Variants in ECPAS observed in about 807,000 individuals in gnomAD.
ECPAS encodes Ecm29 proteasome adaptor and scaffold, also known as proteasome adapter and scaffold protein ECM29.
A neutral mutation model predicts 255.1 loss-of-function variants in ECPAS; 70 were observed. The ratio of observed to expected loss-of-function variants is 0.27; its 90% confidence interval spans 0.23 to 0.33. ECPAS has a LOEUF of 0.33. Ranked by LOEUF, ECPAS falls within the 10% of genes least tolerant of loss-of-function variation. The pLI is 1.00. For synonymous variants in ECPAS, 784 were observed against 775.0 expected (o/e 1.01, Z -0.19); for missense variants, 1,817 against 2,206.4 (o/e 0.82, Z 3.54).
At position 111,431,946 on chromosome 9, in the gene ECPAS, T is replaced by C. The variant is rs549401642; in HGVS notation, c.848+1287A>G. Among the ~76,000 whole-genome samples, 8 of 152,338 alleles carry C rather than the reference T, an allele frequency of 5.3e-5. No homozygotes were observed. In the South Asian group the frequency reaches 1.4e-3, roughly 28 times the overall value. ...CTCCGCCGTTGCTTTTCTTTCATAA[T>C]ACTTGTGGTTTAGAGATTTCAGACA... On this transcript the variant is annotated intron_variant, in intron 8 of 49. Coordinates refer to ENST00000684092, the MANE Select transcript of ECPAS (RefSeq NM_001364929.1).
chr9:111,418,606 T>G (rs746889267), intron 16 of ECPAS, among the ~76,000 whole-genome samples: 2 of 152,226 alleles, frequency 1.3e-5, no homozygotes, highest in African/African-American at 2.4e-5. Flanking sequence ...AAGAAAGAAT[T>G]AATAAATAAT....
At chr9:111,365,704 C>T (rs1328676687) in intron 48 of ECPAS, 1 of 152,410 alleles carries the variant, frequency 6.6e-6, no homozygotes, top group Non-Finnish European at 1.5e-5. Context: ...ATTACCGAAT[C>T]AACTGAACAA....
chr9:111,463,247 G>A (rs761859864), intron 2 of ECPAS, among the ~76,000 whole-genome samples: 5 of 152,124 alleles, frequency 3.3e-5, no homozygotes, highest in Admixed American at 6.6e-5. Flanking sequence ...CAATCCTTCT[G>A]GCTCAATTCA....
chr9:111,476,234 C>G (rs535355626), intron 1 of ECPAS, among the ~76,000 whole-genome samples: 8 of 152,146 alleles, frequency 5.3e-5, no homozygotes, highest in Non-Finnish European at 8.8e-5. Context: ...GCCCAGAATA[C>G]GAAACCACTA....
At chr9:111,411,892 G>A in intron 21 of ECPAS, 122 bp downstream of exon 21, 1 of 854,852 alleles carries the variant, frequency 1.2e-6, no homozygotes, top group Non-Finnish European at 1.7e-6. Context: ...ACTCTTTATG[G>A]TCATAAAAGC....
intron 3 of ECPAS, among the ~76,000 whole-genome samples, chr9:111,451,224 G>A (rs2098259901): frequency 6.6e-6 from 1 of 152,180 alleles, no homozygotes; most frequent in Non-Finnish European, 1.5e-5. Flanking sequence ...CAAGTAGACA[G>A]TTGGTGCTAA....
intron 25 of ECPAS, among the ~76,000 whole-genome samples, chr9:111,395,742 G>T (rs560088979): frequency 6.6e-6 from 1 of 152,138 alleles, no homozygotes; most frequent in African/African-American, 2.4e-5. Context: ...CCTCCCTGTT[G>T]TCAAGCCTCT....
In ECPAS at chr9:111,434,587, T is replaced by C. The variant is rs958928012; in HGVS notation, c.709-1215A>G. Among the ~76,000 whole-genome samples the C allele has an allele frequency of 3.2e-3, 93 of 29,500 alleles. 3 individuals are homozygous for C. Among genetic ancestry groups the C allele is most frequent in the Non-Finnish European group, 1.1e-3 (13 of 11,850 alleles). The allele number at this position is 29,500 out of a possible 152,430, so 19.4% of individuals were successfully genotyped here. On this transcript the variant is annotated intron_variant, in intron 7 of 49. Transcript: ENST00000684092. ...TAGTGTGACAGGATTCCAGTTAACT[T>C]TTTTTTTTTTTTTTTTTTTTGAGAC...
At chr9:111,439,226 C>T (rs866408554) in intron 6 of ECPAS, among the ~76,000 whole-genome samples, 6 of 152,070 alleles carry the variant, frequency 3.9e-5, no homozygotes, top group Admixed American at 2.6e-4. Flanking sequence ...CAGAGACAAA[C>T]GGAGTTGACC....
At chr9:111,483,390 C>T in intron 1 of ECPAS, 1 of 349,610 alleles carries the variant, frequency 2.9e-6, no homozygotes, top group African/African-American at 2.2e-5. Flanking sequence ...CCGTACGCCG[C>T]GGCCGCCGCC....
At chr9:111,391,932 T>C in intron 28 of ECPAS, 108 bp from the exon 29 acceptor site, 1 of 811,462 alleles carries the variant, frequency 1.2e-6, no homozygotes, top group South Asian at 1.5e-5. Context: ...AAGCATTTAC[T>C]GTGTACAAGA....
At chr9:111,410,476 A>AG (rs1056289542) in intron 22 of ECPAS, among the ~76,000 whole-genome samples, 29 of 148,024 alleles carry the variant, frequency 2.0e-4, no homozygotes, top group Non-Finnish European at 4.0e-4. Context: ...AAAAATGTAG[A>AG]GAAAAAAAAT....
intron 20 of ECPAS, among the ~76,000 whole-genome samples, chr9:111,412,426 T>C (rs1291977301): frequency 2.0e-5 from 3 of 152,200 alleles, no homozygotes; most frequent in Admixed American, 6.5e-5. Context: ...AAAGGCTTTA[T>C]GGGCCATTTG....
At chr9:111,368,915 CATT>C (rs1282263955) in intron 46 of ECPAS, 117 bp downstream of exon 46, 4 of 982,186 alleles carry the variant, frequency 4.1e-6, no homozygotes, top group Non-Finnish European at 5.8e-6. Context: ...GGATAATTCT[CATT>C]ATTAATCAAT....
At chr9:111,479,735 C>T (rs1445111789) in intron 1 of ECPAS, among the ~76,000 whole-genome samples, 2 of 151,992 alleles carry the variant, frequency 1.3e-5, no homozygotes, top group African/African-American at 4.8e-5. Context: ...AATCCCAGCA[C>T]TGTGGGAGGC....
intron 7 of ECPAS, among the ~76,000 whole-genome samples, chr9:111,435,591 C>T (rs1402246236): frequency 7.9e-5 from 12 of 151,982 alleles, no homozygotes; most frequent in Admixed American, 7.2e-4. Flanking sequence ...TGGGTTGCTC[C>T]GAGGGTTAAA....
chr9:111,446,748 A>G (rs1168060537), intron 3 of ECPAS, among the ~76,000 whole-genome samples: 1 of 152,188 alleles, frequency 6.6e-6, no homozygotes, highest in East Asian at 1.9e-4. Context: ...GCCTCAAGTA[A>G]CTTGTCCAAG....
chr9:111,376,544 A>G lies in ECPAS; in HGVS notation c.3955-3T>C, dbSNP rs752656770. 7 of 1,590,720 alleles carry G rather than the reference A, an allele frequency of 4.4e-6. No individual in the cohort carries two copies. Among genetic ancestry groups the G allele is most frequent in the Middle Eastern group, 1.6e-4 (1 of 6,062 alleles). On this transcript the variant is annotated splice_polypyrimidine_tract_variant and splice_region_variant and intron_variant, in intron 36 of 49. Coordinates refer to ENST00000684092, the MANE Select transcript of ECPAS (RefSeq NM_001364929.1). ...AGCCGAGCACTATCCATCGCAGCCT[A>G]AAGAAGAGAAATTAAAGTCACCCGG...
At chr9:111,410,396 G>A (rs1589158411) in intron 22 of ECPAS, among the ~76,000 whole-genome samples, 183 bp from the exon 23 acceptor site, 1 of 152,198 alleles carries the variant, frequency 6.6e-6, no homozygotes, top group South Asian at 2.1e-4. Context: ...AGGGGATAGA[G>A]TAGTATTTTT....
Sources: allele counts gnomAD v4.1 joint callset (sites outside exome capture counted in the v4.1 genomes callset), GRCh38; gene constraint gnomAD v4.1.1; transcripts MANE v1.5; gene names NCBI Gene and HGNC (gene_info 2026-07-23, HGNC 2026-07-21).